The following GADL1 variants were observed in gnomAD, a reference collection of about 807,000 sequenced individuals.
GADL1 encodes the protein GAD like acidic amino acid decarboxylase 1.
A neutral mutation model predicts 69.5 loss-of-function variants in GADL1; 71 were observed. That is an observed-to-expected ratio of 1.02 (90% CI 0.84 to 1.25). The LOEUF (loss-of-function observed/expected upper bound fraction) is 1.25, where lower values mean the gene tolerates loss of function less well. Ranked by LOEUF, GADL1 falls within the 50% of genes most tolerant of loss-of-function variation. GADL1 has a pLI of 0.00. For missense variants in GADL1, 737 were observed against 631.8 expected, an observed-to-expected ratio of 1.17 and a Z score of -1.79; for synonymous variants, 254 against 214.4, an observed-to-expected ratio of 1.18 and a Z score of -1.62.
At chr3:30,780,363 T>C (rs757808812) in intron 13 of GADL1, among the ~76,000 whole-genome samples, 1 of 152,148 alleles carries the variant, frequency 6.6e-6, no homozygotes, top group Non-Finnish European at 1.5e-5. Context: ...GGTCTAGACC[T>C]CAGTCCTGGG....
chr3:30,859,655 A>G (rs1698289102), intron 2 of GADL1, among the ~76,000 whole-genome samples: 1 of 152,020 alleles, frequency 6.6e-6, no homozygotes, highest in African/African-American at 2.4e-5. Flanking sequence ...TTTACTGAAT[A>G]TAAATTATAA....
At chr3:30,855,929 C>CAAAAAA (rs370368623) in intron 3 of GADL1, among the ~76,000 whole-genome samples, 2 of 124,092 alleles carry the variant, frequency 1.6e-5, no homozygotes, top group African/African-American at 2.8e-5. Flanking sequence ...TCTGATCTGG[C>CAAAAAA]AAAAAAAAAA....
At chr3:30,773,094 A>G (rs1696453344) in intron 14 of GADL1, among the ~76,000 whole-genome samples, 1 of 150,610 alleles carries the variant, frequency 6.6e-6, no homozygotes, top group African/African-American at 2.5e-5. Context: ...TTTGCAAACT[A>G]ATTAATTATT....
intron 14 of GADL1, among the ~76,000 whole-genome samples, chr3:30,740,197 G>A (rs1315516185): frequency 1.3e-5 from 2 of 152,166 alleles, no homozygotes; most frequent in Admixed American, 6.6e-5. Flanking sequence ...AGAGTTCTAC[G>A]TAAGAGTTTG....
intron 14 of GADL1, among the ~76,000 whole-genome samples, chr3:30,762,835 T>A (rs554670926): frequency 7.8e-6 from 1 of 127,486 alleles, no homozygotes; most frequent in African/African-American, 3.0e-5. Flanking sequence ...TGAAAACATG[T>A]GATGTTAGTC....
intron 6 of GADL1, among the ~76,000 whole-genome samples, chr3:30,845,886 A>G (rs183618261): frequency 1.3e-5 from 2 of 152,242 alleles, no homozygotes; most frequent in African/African-American, 4.8e-5. Context: ...CCCCACTGAC[A>G]TCTAACTATA....
intron 14 of GADL1, among the ~76,000 whole-genome samples, chr3:30,752,014 A>C (rs1695832740): frequency 6.6e-6 from 1 of 152,330 alleles, no homozygotes; most frequent in African/African-American, 2.4e-5. Flanking sequence ...GACGATTCTG[A>C]AATTAAACCC....
intron 11 of GADL1, 108 bp from the exon 12 acceptor site, chr3:30,801,196 T>C (rs1327942449): frequency 2.6e-6 from 2 of 777,940 alleles, no homozygotes; most frequent in Admixed American, 4.5e-5. Context: ...GTGCCAAGTG[T>C]ACATCTCACT....
At chr3:30,875,905 C>A (rs1698570747) in intron 1 of GADL1, among the ~76,000 whole-genome samples, 1 of 151,898 alleles carries the variant, frequency 6.6e-6, no homozygotes, top group African/African-American at 2.4e-5. Context: ...TTCTCCAGCC[C>A]ATTTCACTAT....
chr3:30,762,499 ATAG>A (rs753288590), intron 14 of GADL1, among the ~76,000 whole-genome samples: 22 of 152,220 alleles, frequency 1.4e-4, no homozygotes, highest in Non-Finnish European at 2.6e-4. Context: ...TGTGGGCACC[ATAG>A]TAGGTGTATA....
At chr3:30,817,752 A>G (rs1305036626) in intron 11 of GADL1, among the ~76,000 whole-genome samples, 1 of 152,218 alleles carries the variant, frequency 6.6e-6, no homozygotes, top group African/African-American at 2.4e-5. Context: ...TGTCGAGGGT[A>G]TAATCTGCAC....
chr3:30,825,759 C>G (rs1697671054), intron 11 of GADL1, among the ~76,000 whole-genome samples: 1 of 151,792 alleles, frequency 6.6e-6, no homozygotes, highest in South Asian at 2.1e-4. Flanking sequence ...ATATCACACA[C>G]CAGGGCCTGT....
intron 3 of GADL1, among the ~76,000 whole-genome samples, chr3:30,855,565 A>C (rs1483450919): frequency 6.6e-6 from 1 of 152,034 alleles, no homozygotes; most frequent in East Asian, 1.9e-4. Context: ...CTTGAAATGC[A>C]ATCGCCTTTA....
At chr3:30,751,473 C>G (rs892432082) in intron 14 of GADL1, among the ~76,000 whole-genome samples, 1 of 151,094 alleles carries the variant, frequency 6.6e-6, no homozygotes, top group Non-Finnish European at 1.5e-5. Context: ...GTTCAACATT[C>G]CGAGAACCTG....
chr3:30,785,218 T>C (rs555475797), intron 13 of GADL1, among the ~76,000 whole-genome samples: 2 of 152,242 alleles, frequency 1.3e-5, no homozygotes, highest in South Asian at 4.1e-4. Flanking sequence ...ATTTCCCTGT[T>C]AATTAATTTG....
intron 1 of GADL1, among the ~76,000 whole-genome samples, chr3:30,884,450 C>G (rs752697338): frequency 6.6e-6 from 1 of 151,946 alleles, no homozygotes; most frequent in Non-Finnish European, 1.5e-5. Context: ...AAATTCAGTT[C>G]CCTAAATCCA....
intron 6 of GADL1, among the ~76,000 whole-genome samples, chr3:30,844,902 T>C (rs747382033): frequency 3.3e-4 from 50 of 152,170 alleles, no homozygotes; most frequent in Admixed American, 1.3e-4. Flanking sequence ...AAGTTTCTCC[T>C]GATGCTCCTC....
chr3:30,746,640 C>T (rs575046145), intron 14 of GADL1, among the ~76,000 whole-genome samples: 1 of 152,266 alleles, frequency 6.6e-6, no homozygotes, highest in East Asian at 1.9e-4. Flanking sequence ...TCTCTTTTTA[C>T]TTTGTACCTT....
At chr3:30,741,983 C>A (rs187899615) in intron 14 of GADL1, among the ~76,000 whole-genome samples, 1 of 152,112 alleles carries the variant, frequency 6.6e-6, no homozygotes, top group Non-Finnish European at 1.5e-5. Flanking sequence ...GAATTCCAGG[C>A]CACATGGAGA....
Sources: allele counts gnomAD v4.1 joint callset (sites outside exome capture counted in the v4.1 genomes callset), GRCh38; gene constraint gnomAD v4.1.1; transcripts MANE v1.5; gene names NCBI Gene and HGNC (gene_info 2026-07-23, HGNC 2026-07-21).